The following ZDHHC20 variants were observed in gnomAD, a reference collection of about 807,000 sequenced individuals.
The protein encoded by ZDHHC20 is palmitoyltransferase ZDHHC20.
A neutral mutation model predicts 57.8 loss-of-function variants in ZDHHC20; 43 were observed. That is an observed-to-expected ratio of 0.74 (90% CI 0.58 to 0.96). The LOEUF is 0.96. Among genes scored for constraint, ZDHHC20 ranks in the 40% least tolerant of loss-of-function variants. The pLI, the probability that ZDHHC20 is intolerant of heterozygous loss-of-function variation, is 0.00. For synonymous variants in ZDHHC20, 157 were observed against 153.0 expected, an observed-to-expected ratio of 1.03 and a Z score of -0.19; for missense variants, 391 against 441.1, an observed-to-expected ratio of 0.89 and a Z score of 1.02.
intron 4 of ZDHHC20, among the ~76,000 whole-genome samples, chr13:21,411,151 A>G (rs993989698): frequency 6.6e-6 from 1 of 152,100 alleles, no homozygotes; most frequent in Non-Finnish European, 1.5e-5. Flanking sequence ...GGGTGAGGCG[A>G]CGCCCTACCC....
At chr13:21,440,987 A>C (rs551281461) in intron 1 of ZDHHC20, among the ~76,000 whole-genome samples, 2 of 152,146 alleles carry the variant, frequency 1.3e-5, no homozygotes, top group Non-Finnish European at 2.9e-5. Context: ...TCCTGCCCCC[A>C]CAGTTTTAAT....
chr13:21,439,020 T>C (rs890649894), intron 1 of ZDHHC20, among the ~76,000 whole-genome samples: 17 of 152,240 alleles, frequency 1.1e-4, no homozygotes, highest in African/African-American at 3.6e-4. Context: ...GACTACAGTA[T>C]AGGGTGAACG....
chr13:21,424,864 A>C (rs148864110), intron 2 of ZDHHC20, among the ~76,000 whole-genome samples: 1 of 152,340 alleles, frequency 6.6e-6, no homozygotes, highest in African/African-American at 2.4e-5. Flanking sequence ...TAAAGAAAGA[A>C]AATAAGCCAA....
At chr13:21,400,224 G>T in intron 7 of ZDHHC20, 149 bp downstream of exon 7, 1 of 661,916 alleles carries the variant, frequency 1.5e-6, no homozygotes, top group Non-Finnish European at 2.3e-6. Flanking sequence ...AAAGTAAATT[G>T]TAGCCCTATC....
intron 1 of ZDHHC20, among the ~76,000 whole-genome samples, chr13:21,449,722 G>A (rs1884262540): frequency 6.6e-6 from 1 of 151,210 alleles, no homozygotes; most frequent in Non-Finnish European, 1.5e-5. Context: ...TCAGCTCACT[G>A]CAACCTCTGC....
At chr13:21,379,787 G>A (rs1443158702) in intron 11 of ZDHHC20, among the ~76,000 whole-genome samples, 5 of 150,154 alleles carry the variant, frequency 3.3e-5, no homozygotes. Context: ...CCTAGAAAAG[G>A]TTAAAATATA....
intron 1 of ZDHHC20, among the ~76,000 whole-genome samples, chr13:21,425,887 C>T (rs964853349): frequency 6.6e-6 from 1 of 152,286 alleles, no homozygotes; most frequent in South Asian, 2.1e-4. Flanking sequence ...ATTAACGCTA[C>T]AGTCACACTA....
chr13:21,427,352 G>A (rs1881379743), intron 1 of ZDHHC20, among the ~76,000 whole-genome samples: 1 of 152,148 alleles, frequency 6.6e-6, no homozygotes, highest in South Asian at 2.1e-4. Flanking sequence ...ATGTAGTATA[G>A]ATGGGATTTG....
Position 21,422,453 on chromosome 13 carries a change from C to A in ZDHHC20, c.146-1289G>T, listed in dbSNP as rs1007298230. 5.9e-5 allele frequency among the ~76,000 whole-genome samples: 9 copies of A among 152,218 alleles called. No homozygotes were observed. The East Asian group carries it at 1.3e-3, about 23-fold the overall frequency. ...AATTGACAACCCTGTTGCAACCCAA[C>A]CTTTTCTTCTGAAATTGTATTGGGT... On this transcript the variant is annotated intron_variant, in intron 2 of 12. Transcript: ENST00000400590.
At chr13:21,445,864 T>C (rs766066741) in intron 1 of ZDHHC20, among the ~76,000 whole-genome samples, 1 of 152,178 alleles carries the variant, frequency 6.6e-6, no homozygotes, top group Admixed American at 6.6e-5. Flanking sequence ...GAAGTACTTC[T>C]TTTACAGAGG....
chr13:21,404,614 C>T (rs1020375364), intron 4 of ZDHHC20, among the ~76,000 whole-genome samples: 5 of 151,786 alleles, frequency 3.3e-5, no homozygotes, highest in African/African-American at 9.7e-5. Flanking sequence ...ATTAGCTGGG[C>T]GTGGTGGTGG....
At chr13:21,439,975 A>G (rs1025956655) in intron 1 of ZDHHC20, among the ~76,000 whole-genome samples, 1 of 150,990 alleles carries the variant, frequency 6.6e-6, no homozygotes, top group African/African-American at 2.4e-5. Flanking sequence ...GCCGAGGCAC[A>G]AGAATTGCTC....
At chr13:21,400,260 C>CT (rs79578210) in intron 7 of ZDHHC20, 113 bp downstream of exon 7, 319,262 of 1,042,158 alleles carry the variant, frequency 0.31, 51,332 homozygotes, top group South Asian at 0.33. Context: ...TTATAAAACT[C>CT]TAACTTGTAA....
chr13:21,452,859 C>A (rs1273346770), intron 1 of ZDHHC20, among the ~76,000 whole-genome samples: 2 of 151,176 alleles, frequency 1.3e-5, no homozygotes, highest in African/African-American at 4.9e-5. Context: ...TTTTAAAAAT[C>A]AAAATTAAAA....
chr13:21,393,658 C>T (rs1273439935), intron 7 of ZDHHC20, among the ~76,000 whole-genome samples: 2 of 139,102 alleles, frequency 1.4e-5, no homozygotes, highest in Admixed American at 8.1e-5. Context: ...GAGCCGAGAT[C>T]GCACTGCTGC....
At chr13:21,404,143 G>T (rs1878109846) in intron 4 of ZDHHC20, among the ~76,000 whole-genome samples, 1 of 152,104 alleles carries the variant, frequency 6.6e-6, no homozygotes. Context: ...ACCATCTACT[G>T]GTATATCCAG....
chr13:21,437,538 A>G (rs887399189), intron 1 of ZDHHC20, among the ~76,000 whole-genome samples: 4 of 152,218 alleles, frequency 2.6e-5, no homozygotes, highest in African/African-American at 4.8e-5. Flanking sequence ...TCAGGAGCCA[A>G]TGTAGCTGGG....
At chr13:21,407,139 C>G (rs945100986) in intron 4 of ZDHHC20, among the ~76,000 whole-genome samples, 1 of 152,122 alleles carries the variant, frequency 6.6e-6, no homozygotes, top group East Asian at 1.9e-4. Flanking sequence ...CAGGTGCCCG[C>G]CACCAGGTCC....
At chr13:21,403,923 G>C (rs1158733167) in intron 4 of ZDHHC20, among the ~76,000 whole-genome samples, 1 of 152,062 alleles carries the variant, frequency 6.6e-6, no homozygotes, top group Non-Finnish European at 1.5e-5. Context: ...CCTGACCTCA[G>C]GTGAGTCACC....
Sources: gnomAD v4.1 joint callset for allele counts (sites outside exome capture counted in the v4.1 genomes callset) on GRCh38, gnomAD v4.1.1 for gene constraint, MANE v1.5 for transcripts, NCBI Gene and HGNC (gene_info 2026-07-23, HGNC 2026-07-21) for gene names.